The following EVC2 variants were observed in gnomAD, a reference collection of about 807,000 sequenced individuals.
EVC2 encodes the protein EvC ciliary complex subunit 2, also known as limbin.
A neutral mutation model predicts 149.3 loss-of-function variants in EVC2; 148 were observed. The ratio of observed to expected loss-of-function variants is 0.99; its 90% CI spans 0.87 to 1.14. The LOEUF (loss-of-function observed/expected upper bound fraction) is 1.14, where lower values mean the gene tolerates loss of function less well. Ranked by LOEUF, EVC2 falls within the 50% of genes most tolerant of loss-of-function variation. EVC2 has a pLI of 0.00. For synonymous variants in EVC2, 776 were observed against 649.9 expected (o/e 1.19, Z -2.95); for missense variants, 1,854 against 1,627.3 (o/e 1.14, Z -2.40).
intron 16 of EVC2, among the ~76,000 whole-genome samples, chr4:5,610,288 T>C (rs956644705): frequency 6.6e-6 from 1 of 152,144 alleles, no homozygotes; most frequent in Non-Finnish European, 1.5e-5. Flanking sequence ...CATATATTAA[T>C]ATATATACAT....
intron 7 of EVC2, among the ~76,000 whole-genome samples, chr4:5,675,680 C>T (rs1719935902): frequency 6.6e-6 from 1 of 152,126 alleles, no homozygotes; most frequent in Non-Finnish European, 1.5e-5. Flanking sequence ...TGCGGTGGCT[C>T]ATGCCTGTAA....
chr4:5,658,089 G>C (rs904500354), intron 9 of EVC2, among the ~76,000 whole-genome samples: 60 of 152,142 alleles, frequency 3.9e-4, no homozygotes, highest in Non-Finnish European at 3.4e-4. Flanking sequence ...AGAGTTACCA[G>C]TGCACAGGGT....
intron 16 of EVC2, among the ~76,000 whole-genome samples, chr4:5,598,045 A>G (rs1285470509): frequency 2.1e-5 from 3 of 140,996 alleles, no homozygotes; most frequent in Non-Finnish European, 3.1e-5. Context: ...AGAACTACAA[A>G]CCACTGCTCA....
chr4:5,602,834 A>C (rs1714097002), intron 16 of EVC2, among the ~76,000 whole-genome samples: 1 of 152,190 alleles, frequency 6.6e-6, no homozygotes, highest in African/African-American at 2.4e-5. Flanking sequence ...GGAAATAGAT[A>C]ATCCCAAATT....
At chr4:5,548,340 G>A (rs984985046) in intron 21 of EVC2, among the ~76,000 whole-genome samples, 1 of 150,348 alleles carries the variant, frequency 6.7e-6, no homozygotes, top group African/African-American at 2.5e-5. Flanking sequence ...AGAAATGATG[G>A]GAGCTGCAGC....
At chr4:5,604,104 T>G (rs1477883576) in intron 16 of EVC2, among the ~76,000 whole-genome samples, 1 of 152,228 alleles carries the variant, frequency 6.6e-6, no homozygotes, top group East Asian at 1.9e-4. Flanking sequence ...ATAGTTGCTC[T>G]GCCTGCTTCA....
At chr4:5,577,456 G>A (rs1723001319) in intron 17 of EVC2, among the ~76,000 whole-genome samples, 2 of 152,138 alleles carry the variant, frequency 1.3e-5, no homozygotes, top group Admixed American at 1.3e-4. Context: ...ACTATAATTA[G>A]GACTGGAAGG....
chr4:5,543,066 C>A, exon 22 of EVC2: 1 of 1,121,188 alleles, frequency 8.9e-7, no homozygotes, highest in South Asian at 1.3e-5. Context: ...ACAGAGGCTC[C>A]AACGATTGCA....
intron 21 of EVC2, among the ~76,000 whole-genome samples, chr4:5,543,948 C>G (rs1721564806): frequency 6.6e-6 from 1 of 152,130 alleles, no homozygotes; most frequent in Non-Finnish European, 1.5e-5. Context: ...ATGAGGAGAC[C>G]CAAGCACAGG....
intron 7 of EVC2, among the ~76,000 whole-genome samples, chr4:5,678,553 A>T (rs1451023893): frequency 6.6e-6 from 1 of 152,204 alleles, no homozygotes; most frequent in Non-Finnish European, 1.5e-5. Context: ...CTAGAAATGC[A>T]TTGTTAGGCA....
rs1722439414 is a variant in EVC2, at chr4:5,568,439, C to T, written c.3557+5G>A. 6.5e-7 allele frequency: 1 copy of T among 1,549,648 alleles called. No individual in the cohort carries two copies. Among genetic ancestry groups the T allele is most frequent in the Non-Finnish European group, 8.7e-7 (1 of 1,154,306 alleles). On this transcript the variant is annotated splice_donor_5th_base_variant and intron_variant, in intron 20 of 21. Transcript: ENST00000344408. Reference sequence around the variant, plus strand: ...CCCGGGAGGCAGCCCCTCCACGGCACTCACCTCCGCCTGCCCACGTCGGCC... The same window carrying T: ...CCCGGGAGGCAGCCCCTCCACGGCATTCACCTCCGCCTGCCCACGTCGGCC...
At chr4:5,630,724 A>G (rs1716471179) in intron 11 of EVC2, among the ~76,000 whole-genome samples, 1 of 152,182 alleles carries the variant, frequency 6.6e-6, no homozygotes, top group Non-Finnish European at 1.5e-5. Context: ...TGCTGCTCCA[A>G]GGCCTCCAGC....
upstream of EVC2, chr4:5,708,944 G>A (rs75099706): frequency 0.03 from 4,682 of 157,240 alleles, 234 homozygotes; most frequent in African/African-American, 0.11. Context: ...CATTTGGAGC[G>A]CGGGGCCGGG....
At chr4:5,562,319 C>G (rs1197161190), downstream of EVC2, 3 of 456,458 alleles carry the variant, frequency 6.6e-6, no homozygotes, top group Admixed American at 6.0e-5. This position sits in a 1 kb window ranked among gnomAD's most constrained non-coding sequence, Gnocchi z 4.3. Context: ...CATGTTTTGG[C>G]AACTGGAGCG....
intron 14 of EVC2, among the ~76,000 whole-genome samples, chr4:5,619,355 A>G (rs1715511909): frequency 6.6e-6 from 1 of 152,228 alleles, no homozygotes; most frequent in Non-Finnish European, 1.5e-5. Flanking sequence ...AATGCAATAT[A>G]ACTGGTGTCC....
chr4:5,542,686 A>G (rs138909963), downstream of EVC2: 24 of 157,068 alleles, frequency 1.5e-4, no homozygotes, highest in African/African-American at 5.3e-4. Context: ...AATGGGGATG[A>G]TAATAGTAGA....
At chr4:5,662,728 T>C (rs1718984840) in intron 9 of EVC2, among the ~76,000 whole-genome samples, 1 of 149,586 alleles carries the variant, frequency 6.7e-6, no homozygotes, top group East Asian at 1.9e-4. Context: ...AATTATCCAA[T>C]AATTATTGAA....
intron 9 of EVC2, among the ~76,000 whole-genome samples, chr4:5,658,569 C>T (rs1046136493): frequency 2.0e-5 from 3 of 152,224 alleles, no homozygotes; most frequent in Non-Finnish European, 1.5e-5. Flanking sequence ...GAGTCCTAAG[C>T]TCATTCTAAT....
At position 5,691,067 on chromosome 4, in the gene EVC2, T is replaced by C. The variant is rs566789126; in HGVS notation, c.519+198A>G. On this transcript the variant is annotated intron_variant, in intron 4 of 21. Transcript: ENST00000344408. ...TGGATTTTTACTGACAATTATTTAA[T>C]TGTAACAAAAATAATCTCAGTCCTA... Among the ~76,000 whole-genome samples the C allele has an allele frequency of 3.5e-4, 54 of 152,368 alleles. 1 individual carries two copies. The highest frequency in any genetic ancestry group is 1.3e-3 in the African/African-American group (53 of 41,584).
Sources: gnomAD v4.1 joint callset for allele counts (sites outside exome capture counted in the v4.1 genomes callset) on GRCh38, gnomAD v4.1.1 for gene constraint, Gnocchi (gnomAD v3.1) non-coding constraint, MANE v1.5 for transcripts, NCBI Gene and HGNC (gene_info 2026-07-23, HGNC 2026-07-21) for gene names.